AGAP1: variants seen among roughly 807,000 people sequenced by gnomAD.
The protein encoded by AGAP1 is ArfGAP with GTPase domain, ankyrin repeat and PH domain 1, also known as arf-GAP with GTPase, ANK repeat and PH domain-containing protein 1.
AGAP1 carries 29 observed loss-of-function variants against 105.3 expected under a neutral mutation model. That is an observed-to-expected ratio of 0.28 (90% CI 0.21 to 0.38). The LOEUF (loss-of-function observed/expected upper bound fraction) is 0.38. AGAP1 is among the 10% of genes least tolerant of loss of function. The pLI is 1.00. For synonymous variants in AGAP1, 509 were observed against 485.9 expected (o/e 1.05, Z -0.63); for missense variants, 998 against 1,165.1 (o/e 0.86, Z 2.09).
At position 235,891,015 on chromosome 2, in the gene AGAP1, T is replaced by C. The variant is rs1457886262; in HGVS notation, c.1155+7566T>C. On this transcript the variant is annotated intron_variant, in intron 10 of 17. Transcript: ENST00000304032. This position sits in a 1 kb window ranked among gnomAD's most constrained non-coding sequence, Gnocchi z 4.2. Reference sequence around the variant, plus strand: ...ATTATTAAATGAAACCAAAACCCAGTTGAGATAACAGATAGAAAACTCAAC... The same window carrying C: ...ATTATTAAATGAAACCAAAACCCAGCTGAGATAACAGATAGAAAACTCAAC... Among the ~76,000 whole-genome samples the C allele has an allele frequency of 6.6e-6, 1 of 150,448 alleles. No homozygotes were observed. The highest frequency in any genetic ancestry group is 1.5e-5 in the Non-Finnish European group (1 of 67,736).
At position 236,017,415 on chromosome 2, in the gene AGAP1, C is replaced by T. The variant is rs554086466; in HGVS notation, c.1646-19146C>T. 2.0e-5 allele frequency among the ~76,000 whole-genome samples: 3 copies of T among 152,176 alleles called. No homozygotes were observed. In the South Asian group the frequency reaches 6.2e-4, roughly 32 times the overall value. ...CACATATTCACTGTCTATAAAGTGA[C>T]CCTTCATGAAAATTTGTATCCTGAA... On this transcript the variant is annotated intron_variant, in intron 13 of 17. Coordinates refer to ENST00000304032, the MANE Select transcript of AGAP1 (RefSeq NM_001037131.3).
At chr2:235,605,023 C>T (rs1305448083) in intron 1 of AGAP1, among the ~76,000 whole-genome samples, 1 of 151,958 alleles carries the variant, frequency 6.6e-6, no homozygotes, top group African/African-American at 2.4e-5. Context: ...TGGCCACAGG[C>T]GTGCATCACC....
At chr2:235,997,726 T>G (rs940859151) in intron 13 of AGAP1, among the ~76,000 whole-genome samples, 2 of 151,862 alleles carry the variant, frequency 1.3e-5, no homozygotes, top group Admixed American at 6.6e-5. Flanking sequence ...AATAAAAACT[T>G]TTTTTTTTCC....
At position 236,040,462 on chromosome 2, in the gene AGAP1, T is replaced by C. The variant is rs1450434028; in HGVS notation, c.1801-289T>C. The C allele has an allele frequency of 1.2e-5, 6 of 486,408 alleles. No individual in the cohort carries two copies. The highest frequency in any genetic ancestry group is 3.7e-6 in the Non-Finnish European group (1 of 269,762). 30.1% of individuals were successfully genotyped at this position (486,408 alleles called of 1,614,324 possible). A position where few individuals can be genotyped will look rare whatever the true frequency, so the allele number is the denominator to read the frequency against. On this transcript the variant is annotated intron_variant, in intron 14 of 17. Transcript: ENST00000304032. The surrounding 1 kb of genome is among the most constrained non-coding windows in gnomAD (Gnocchi z 5.6). ...ACCTTCTCCAGGTTACCATGGTCCATGCGTATTCACAGATGATCCAGAACT... is the reference window on the plus strand; with the variant it reads ...ACCTTCTCCAGGTTACCATGGTCCACGCGTATTCACAGATGATCCAGAACT...
At chr2:236,068,673 G>A (rs545571068) in intron 16 of AGAP1, among the ~76,000 whole-genome samples, 3,439 of 149,168 alleles carry the variant, frequency 0.023, 118 homozygotes, top group African/African-American at 0.077. Context: ...GGTGGCGGGC[G>A]CCTGTAGTCC....
chr2:235,667,737 G>T (rs1482919772), intron 1 of AGAP1, among the ~76,000 whole-genome samples: 1 of 152,062 alleles, frequency 6.6e-6, no homozygotes, highest in African/African-American at 2.4e-5. Context: ...GAGGTGGGCA[G>T]ATCATGAGGT....
rs1190383694 is a variant in AGAP1, at chr2:235,660,526, G to C, written c.164-48653G>C. Among the ~76,000 whole-genome samples the C allele has an allele frequency of 6.6e-6, 1 of 152,120 alleles. No homozygotes were observed. The highest frequency in any genetic ancestry group is 1.5e-5 in the Non-Finnish European group (1 of 68,016). On this transcript the variant is annotated intron_variant, in intron 1 of 17. Transcript: ENST00000304032. This position sits in a 1 kb window ranked among gnomAD's most constrained non-coding sequence, Gnocchi z 5.3. ...ACAGATGCCAAGGAAGAGTGCCCAG[G>C]TGTGCACAGGTGTGCCCAGGTATGA... is the stretch of plus-strand genomic sequence containing the variant.
rs1209522420 is a variant in AGAP1, at chr2:235,965,024, TC to T, written c.1484-3437del. ...CTGCAGTTCCACCACAACCAAACTG[TC>T]ATAGTGCAGGCTCAGGGGGTCTCAG... On this transcript the variant is annotated intron_variant, in intron 12 of 17. Coordinates refer to ENST00000304032, the MANE Select transcript of AGAP1 (RefSeq NM_001037131.3). This position sits in a 1 kb window ranked among gnomAD's most constrained non-coding sequence, Gnocchi z 5.8. Among the ~76,000 whole-genome samples the T allele has an allele frequency of 3.9e-5, 6 of 152,302 alleles. No homozygotes were observed. The highest frequency in any genetic ancestry group is 1.2e-4 in the African/African-American group (5 of 41,554).
At chr2:235,735,451 C>G (rs917413290) in intron 3 of AGAP1, among the ~76,000 whole-genome samples, 4 of 152,184 alleles carry the variant, frequency 2.6e-5, no homozygotes, top group Non-Finnish European at 5.9e-5. Context: ...CGCGTGAGTG[C>G]AGAAACTTGA....
chr2:235,847,876 T>A (rs1299962042), intron 9 of AGAP1, among the ~76,000 whole-genome samples: 1 of 152,234 alleles, frequency 6.6e-6, no homozygotes, highest in Non-Finnish European at 1.5e-5. Context: ...TTTTACATGA[T>A]GGATCTTACC....
At chr2:235,528,243 A>T (rs994472471) in intron 1 of AGAP1, among the ~76,000 whole-genome samples, 2 of 147,232 alleles carry the variant, frequency 1.4e-5, no homozygotes, top group Non-Finnish European at 3.0e-5. Context: ...CTGAGGGGGA[A>T]CCTGGCCACG....
chr2:235,542,880 G>A lies in AGAP1; in HGVS notation c.163+48031G>A, dbSNP rs114106399. Among the ~76,000 whole-genome samples the A allele has an allele frequency of 4.9e-3, 751 of 152,246 alleles. 5 individuals are homozygous for A. The highest frequency in any genetic ancestry group is 0.017 in the African/African-American group (686 of 41,544). ...CCTCCTGTAAAAGGCTCTGAATCTC[G>A]CTTTCACCTGTGTGAATTGCACCAC... On this transcript the variant is annotated intron_variant, in intron 1 of 17. Coordinates refer to ENST00000304032, the MANE Select transcript of AGAP1 (RefSeq NM_001037131.3).
Position 235,866,630 on chromosome 2 carries a change from C to G in AGAP1, c.1051-16715C>G, listed in dbSNP as rs1559582783. On this transcript the variant is annotated intron_variant, in intron 9 of 17. Transcript: ENST00000304032. This position sits in a 1 kb window ranked among gnomAD's most constrained non-coding sequence, Gnocchi z 6.1. ...TGTTCATGCACCTGTGTGTGTGAGTCAGCTCAAACTGCCATAACAGAAGAC... is the reference window on the plus strand; with the variant it reads ...TGTTCATGCACCTGTGTGTGTGAGTGAGCTCAAACTGCCATAACAGAAGAC... 6.6e-6 allele frequency among the ~76,000 whole-genome samples: 1 copy of G among 152,216 alleles called. No homozygotes were observed. The highest frequency in any genetic ancestry group is 2.4e-5 in the African/African-American group (1 of 41,466).
In AGAP1 at chr2:235,609,268, G is replaced by A. The variant is rs1254293434; in HGVS notation, c.164-99911G>A. Among the ~76,000 whole-genome samples the A allele has an allele frequency of 1.3e-5, 2 of 152,148 alleles. No individual in the cohort carries two copies. The highest frequency in any genetic ancestry group is 2.1e-4 in the South Asian group (1 of 4,816). ...TGTGGGAACATAAGGAAAAGCAGAT[G>A]TGGCCACTGGTGCTTGGAAGAGAAC... is the stretch of plus-strand genomic sequence containing the variant. On this transcript the variant is annotated intron_variant, in intron 1 of 17. Coordinates refer to ENST00000304032, the MANE Select transcript of AGAP1 (RefSeq NM_001037131.3). This position sits in a 1 kb window ranked among gnomAD's most constrained non-coding sequence, Gnocchi z 5.1.
rs565677100 is a variant in AGAP1 at position 235,789,091 on chromosome 2, C to T, written c.674-8668C>T. ...AGGAAGGGATGTGTGTTTCCTGCAG[C>T]GTGATTTGAAGTCCCCTTTACCACA... On this transcript the variant is annotated intron_variant, in intron 6 of 17. Coordinates refer to ENST00000304032, the MANE Select transcript of AGAP1 (RefSeq NM_001037131.3). The surrounding 1 kb of genome is among the most constrained non-coding windows in gnomAD (Gnocchi z 4.2). Among the ~76,000 whole-genome samples, 78 of 152,278 alleles carry T rather than the reference C, an allele frequency of 5.1e-4. No homozygotes were observed. Among genetic ancestry groups the T allele is most frequent in the African/African-American group, 1.8e-3 (74 of 41,540 alleles).
At chr2:235,786,419 T>G (rs1361556606) in intron 6 of AGAP1, among the ~76,000 whole-genome samples, 1 of 152,260 alleles carries the variant, frequency 6.6e-6, no homozygotes, top group Non-Finnish European at 1.5e-5. Flanking sequence ...AGATCTTTAA[T>G]TTATGCTTTT....
rs183898645 is a variant in AGAP1, at chr2:236,076,095, C to T, written c.2114+26814C>T. The stretch of plus-strand genomic sequence containing the variant: ...TAACAGTCCTCCTTCAGAGACACCC[C>T]TCAATCAGATCTAGGAATTGAAAGT... On this transcript the variant is annotated intron_variant, in intron 16 of 17. Transcript: ENST00000304032. This position sits in a 1 kb window ranked among gnomAD's most constrained non-coding sequence, Gnocchi z 4.4. 1.9e-3 allele frequency among the ~76,000 whole-genome samples: 294 copies of T among 152,300 alleles called. 1 individual carries two copies. Among genetic ancestry groups the T allele is most frequent in the African/African-American group, 6.8e-3 (282 of 41,562 alleles).
intron 10 of AGAP1, among the ~76,000 whole-genome samples, chr2:235,896,627 G>A (rs1167750030): frequency 2.6e-5 from 4 of 152,196 alleles, no homozygotes. Context: ...GCAATGACAT[G>A]GTCACATGGG....
rs556852139 is a variant in AGAP1 at position 236,101,410 on chromosome 2, G to A, written c.2115-18782G>A. On this transcript the variant is annotated intron_variant, in intron 16 of 17. Transcript: ENST00000304032. This position sits in a 1 kb window ranked among gnomAD's most constrained non-coding sequence, Gnocchi z 4.9. ...CAGCTTTTTCTGAATGTGTCGCCGT[G>A]TCATAGCCTGCGACCTTCTCTTTCT... 6.6e-6 allele frequency among the ~76,000 whole-genome samples: 1 copy of A among 152,260 alleles called. No individual in the cohort carries two copies. The highest frequency in any genetic ancestry group is 6.5e-5 in the Admixed American group (1 of 15,292).
Sources: allele counts gnomAD v4.1 joint callset (sites outside exome capture counted in the v4.1 genomes callset), GRCh38; gene constraint gnomAD v4.1.1; non-coding constraint Gnocchi (gnomAD v3.1); transcripts MANE v1.5; gene names NCBI Gene and HGNC (gene_info 2026-07-23, HGNC 2026-07-21).